The following CDK13 variants were observed in gnomAD, a reference collection of about 807,000 sequenced individuals.
CDK13 encodes cyclin dependent kinase 13, also known as cyclin-dependent kinase 13.
CDK13 carries 40 observed loss-of-function variants against 137.6 expected under a neutral mutation model. The ratio of observed to expected loss-of-function variants is 0.29; its 90% CI spans 0.23 to 0.38. The LOEUF (loss-of-function observed/expected upper bound fraction) is 0.38. Ranked by LOEUF, CDK13 falls within the 10% of genes least tolerant of loss-of-function variation. CDK13 has a pLI of 1.00. For missense variants in CDK13, 1,704 were observed against 1,951.8 expected (o/e 0.87, Z 2.39); for synonymous variants, 869 against 760.1 (o/e 1.14, Z -2.36).
chr7:40,067,166 G>A (rs1449739210), intron 9 of CDK13: 1 of 152,114 alleles, frequency 6.6e-6, no homozygotes, highest in African/African-American at 2.4e-5. Context: ...TGAAGAATTC[G>A]TCCAGGGTCA....
At chr7:40,021,235 G>A (rs1056182295) in intron 5 of CDK13, among the ~76,000 whole-genome samples, 2 of 152,032 alleles carry the variant, frequency 1.3e-5, no homozygotes, top group South Asian at 2.1e-4. Context: ...GGTGGCTCAC[G>A]CCTGTAATCC....
intron 1 of CDK13, 69 bp from the exon 2 acceptor site, chr7:39,987,530 C>A: frequency 1.7e-6 from 2 of 1,181,404 alleles, no homozygotes; most frequent in Non-Finnish European, 1.2e-6. Context: ...CTTGAATTAG[C>A]ACTGTCTTTG....
In CDK13 at chr7:39,950,279, C is replaced by G. The variant is rs894645691; in HGVS notation, c.-363C>G. ...GTACTTCCGCGTTGCGCTGCCCGAGCCGAGAGCGCGGCCAAGGCCGCTCCC... is the reference window on the plus strand; with the variant it reads ...GTACTTCCGCGTTGCGCTGCCCGAGGCGAGAGCGCGGCCAAGGCCGCTCCC... On this transcript the variant is annotated 5_prime_UTR_variant, in exon 1 of 14. Coordinates refer to ENST00000181839, the MANE Select transcript of CDK13 (RefSeq NM_003718.5). 1 of 1,062,760 alleles carries G rather than the reference C, an allele frequency of 9.4e-7. No homozygotes were observed. Among genetic ancestry groups the G allele is most frequent in the African/African-American group, 1.7e-5 (1 of 60,318 alleles). 65.8% of individuals were successfully genotyped at this position (1,062,760 alleles called of 1,614,324 possible).
intron 5 of CDK13, among the ~76,000 whole-genome samples, chr7:40,038,495 G>A (rs1162192809): frequency 6.6e-6 from 1 of 152,094 alleles, no homozygotes; most frequent in Non-Finnish European, 1.5e-5. Context: ...CCTAGAATTG[G>A]GATTGTTAAG....
Position 39,950,895 on chromosome 7 carries a change from C to G in CDK13, c.254C>G (p.Pro85Arg), listed in dbSNP as rs1225277605. The change falls in exon 1 of 14, where the codon CCC (proline) becomes CGC (arginine). Residue 85 changes from proline to arginine, a missense_variant. Coordinates refer to ENST00000181839, the MANE Select transcript of CDK13 (RefSeq NM_003718.5). ...AASSSCFSPG[P>R]PLEVKRLARG... is the part of the protein sequence containing the mutation. ...TCCTCCTCTTGCTTCAGCCCGGGCC[C>G]CCCTCTGGAGGTCAAGCGGCTGGCG... 3 of 1,345,706 alleles carry G rather than the reference C, an allele frequency of 2.2e-6. No homozygotes were observed. Among genetic ancestry groups the G allele is most frequent in the Non-Finnish European group, 2.8e-6 (3 of 1,058,200 alleles). The allele number at this position is 1,345,706 out of a possible 1,614,324, so 83.4% of individuals were successfully genotyped here.
At chr7:40,009,294 C>T (rs527776697) in intron 5 of CDK13, among the ~76,000 whole-genome samples, 10 of 152,316 alleles carry the variant, frequency 6.6e-5, no homozygotes, top group African/African-American at 1.7e-4. Flanking sequence ...ATATTTTATT[C>T]CTCCATTTTG....
chr7:40,044,078 G>C (rs900395357), intron 5 of CDK13, among the ~76,000 whole-genome samples: 1 of 151,376 alleles, frequency 6.6e-6, no homozygotes, highest in Non-Finnish European at 1.5e-5. Context: ...TGTATTTTTA[G>C]TAGAGATGGG....
chr7:39,973,106 A>T (rs1227710920), intron 1 of CDK13, among the ~76,000 whole-genome samples: 2 of 152,026 alleles, frequency 1.3e-5, no homozygotes, highest in Non-Finnish European at 2.9e-5. Flanking sequence ...TTTTTTGAGA[A>T]ATGTCTACAT....
In CDK13 at chr7:39,951,383, A is replaced by AGCG; in HGVS notation, c.745_747dup (p.Gly249dup). On this transcript the variant is annotated inframe_insertion, in exon 1 of 14. Transcript: ENST00000181839. ...CGAGGAACGGGCCGAGGTCGCCAAG[A>AGCG]GCGGCAGCAGCAGCAGCAGCGGCGG... 1 of 1,520,938 alleles carries AGCG rather than the reference A, an allele frequency of 6.6e-7. No individual in the cohort carries two copies. Among genetic ancestry groups the AGCG allele is most frequent in the Non-Finnish European group, 8.8e-7 (1 of 1,138,332 alleles). 94.2% of individuals were successfully genotyped at this position (1,520,938 alleles called of 1,614,324 possible).
intron 1 of CDK13, among the ~76,000 whole-genome samples, chr7:39,970,464 ATC>A (rs869055369): frequency 2.5e-4 from 36 of 144,030 alleles, no homozygotes; most frequent in South Asian, 1.7e-3. Context: ...TACTGTTGTC[ATC>A]TTTTTTTTTT....
At chr7:39,970,402 T>C (rs1029805968) in intron 1 of CDK13, among the ~76,000 whole-genome samples, 2 of 152,256 alleles carry the variant, frequency 1.3e-5, no homozygotes, top group Non-Finnish European at 2.9e-5. Flanking sequence ...TCTACTTTTA[T>C]GTATAATGTT....
At chr7:40,078,886 T>C (rs1270696711) in intron 11 of CDK13, 35 bp downstream of exon 11, 1 of 840,042 alleles carries the variant, frequency 1.2e-6, no homozygotes, top group Non-Finnish European at 1.6e-6. Context: ...TATTATATAT[T>C]ATTATTATAT....
intron 5 of CDK13, among the ~76,000 whole-genome samples, chr7:40,020,128 C>T (rs1366902765): frequency 3.9e-5 from 6 of 152,044 alleles, no homozygotes; most frequent in Non-Finnish European, 8.8e-5. Context: ...AGTGCAGTGT[C>T]ACAATCTTGG....
At chr7:40,005,161 G>A (rs530829118) in intron 5 of CDK13, among the ~76,000 whole-genome samples, 2 of 133,272 alleles carry the variant, frequency 1.5e-5, no homozygotes, top group African/African-American at 2.9e-5. Flanking sequence ...GTGACAGAGC[G>A]AGACTCTTGT....
At chr7:39,981,076 T>C (rs1279136643) in intron 1 of CDK13, among the ~76,000 whole-genome samples, 1 of 152,172 alleles carries the variant, frequency 6.6e-6, no homozygotes, top group Non-Finnish European at 1.5e-5. Context: ...TAGGAAAACA[T>C]TTTTAGAAAG....
intron 5 of CDK13, among the ~76,000 whole-genome samples, chr7:40,022,784 A>G (rs1437438206): frequency 6.6e-6 from 1 of 151,966 alleles, no homozygotes; most frequent in Non-Finnish European, 1.5e-5. Context: ...CTCCTGTTAA[A>G]ACTAGAATTG....
In CDK13 at chr7:39,997,660, C is replaced by T. The variant is rs764047701; in HGVS notation, c.2038C>T (p.Pro680Ser). 1 of 1,611,486 alleles carries T rather than the reference C, an allele frequency of 6.2e-7. No individual in the cohort carries two copies. Among genetic ancestry groups the T allele is most frequent in the Non-Finnish European group, 8.5e-7 (1 of 1,178,846 alleles). ...AACACAGTTACATAGTAAAAGGAGGCCTAAGTATGTGCTTGCTTTCTACCT... is the reference window on the plus strand; with the variant it reads ...AACACAGTTACATAGTAAAAGGAGGTCTAAGTATGTGCTTGCTTTCTACCT... The part of the protein sequence containing the change: ...TATQLHSKRR[P>S]KICGPRYGET... The change falls in exon 3 of 14, where the codon CCT becomes TCT. Residue 680 changes from proline to serine, a missense_variant. Around this residue, in one of 5 missense-constraint regions of CDK13, gnomAD observed 130 missense variants for 362.4 expected, o/e 0.36. Transcript: ENST00000181839.
chr7:40,051,607 G>T (rs1054514303), intron 7 of CDK13, among the ~76,000 whole-genome samples: 2 of 152,164 alleles, frequency 1.3e-5, no homozygotes, highest in African/African-American at 4.8e-5. Flanking sequence ...AATTGTTCAA[G>T]AATTTTGTGT....
chr7:40,094,397 G>T lies in CDK13; in HGVS notation c.3956G>T (p.Gly1319Val), dbSNP rs772639720. 1.2e-6 allele frequency: 2 copies of T among 1,614,064 alleles called. No individual in the cohort carries two copies. The highest frequency in any genetic ancestry group is 4.5e-5 in the East Asian group (2 of 44,856). ...HQPQDDPKRE[G>V]GIDYQAGDTY... ...CCCCAGGATGACCCCAAAAGAGAAG[G>T]TGGGATTGATTATCAAGCAGGAGAC... The change falls in exon 14 of 14, where the codon GGT becomes GTT. Residue 1319 changes from glycine to valine, a missense_variant. By Grantham distance (109) the Gly-to-Val change is moderately radical. Coordinates refer to ENST00000181839, the MANE Select transcript of CDK13 (RefSeq NM_003718.5).
Sources: gnomAD v4.1 joint callset for allele counts (sites outside exome capture counted in the v4.1 genomes callset) on GRCh38, gnomAD v4.1.1 for gene constraint, gnomAD v4.1.1 regional missense constraint, MANE v1.5 for transcripts, NCBI Gene and HGNC (gene_info 2026-07-23, HGNC 2026-07-21) for gene names.